The following YDJC variants were observed in gnomAD, a reference collection of about 807,000 sequenced individuals.
YDJC encodes the protein carbohydrate deacetylase.
A neutral mutation model predicts 18.9 loss-of-function variants in YDJC; 23 were observed. That is an observed-to-expected ratio of 1.22 (90% CI 0.87 to 1.72). The LOEUF (loss-of-function observed/expected upper bound fraction) is 1.72, where lower values mean the gene tolerates loss of function less well. Among genes scored for constraint, YDJC ranks in the 40% most tolerant of loss-of-function variants. The pLI, the probability that YDJC is intolerant of heterozygous loss-of-function variation, is 0.00. For missense variants in YDJC, 467 were observed against 470.8 expected (o/e 0.99, Z 0.07); for synonymous variants, 224 against 217.6 (o/e 1.03, Z -0.26).
At chr22:21,629,460 A>T in intron 2 of YDJC, 53 bp from the exon 3 acceptor site, 1 of 1,530,568 alleles carries the variant, frequency 6.5e-7, no homozygotes. Context: ...TGCCGAGGAT[A>T]CCCTCCTCGT....
At chr22:21,629,793 G>A in intron 1 of YDJC, 32 bp from the exon 2 acceptor site, 1 of 1,470,168 alleles carries the variant, frequency 6.8e-7, no homozygotes. Context: ...GAGCACTAGC[G>A]GCCGCGGAGC....
chr22:21,629,786 C>G (rs906046122), intron 1 of YDJC, 25 bp from the exon 2 acceptor site: 2 of 1,470,260 alleles, frequency 1.4e-6, no homozygotes, highest in African/African-American at 2.9e-5. Context: ...CGAGCTGGAG[C>G]ACTAGCGGCC....
Position 21,628,628 on chromosome 22 carries a change from G to T in YDJC, c.762C>A (p.Thr254=). Residue 254 remains threonine (T), a synonymous_variant, in exon 5 of 5, where the codon ACC becomes ACA. Transcript: ENST00000292778. ...AHPGYPSVPP[T]GGCGEGPDAF... Reference sequence around the variant, plus strand: ...CGTCGGGGCCTTCACCGCAGCCGCCGGTGGGAGGCACACTGGGGTAGCCGG... The same window carrying T: ...CGTCGGGGCCTTCACCGCAGCCGCCTGTGGGAGGCACACTGGGGTAGCCGG... 1.3e-6 allele frequency: 2 copies of T among 1,591,222 alleles called. No homozygotes were observed. The highest frequency in any genetic ancestry group is 2.3e-5 in the East Asian group (1 of 43,564).
chr22:21,628,782 G>A lies in YDJC; in HGVS notation c.608C>T (p.Thr203Ile). 1 of 1,480,570 alleles carries A rather than the reference G, an allele frequency of 6.8e-7. No individual in the cohort carries two copies. Among genetic ancestry groups the A allele is most frequent in the Non-Finnish European group, 9.0e-7 (1 of 1,112,980 alleles). 91.7% of individuals were successfully genotyped at this position (1,480,570 alleles called of 1,614,324 possible). A position where few individuals can be genotyped will look rare whatever the true frequency, so the allele number is the denominator to read the frequency against. Residue 203 changes from threonine (T) to isoleucine (I), a missense_variant, in exon 5 of 5, where the codon ACA (threonine) becomes ATA (isoleucine). Thr to Ile is a moderately conservative substitution (Grantham distance 89). Transcript: ENST00000292778. The stretch of plus-strand genomic sequence containing the variant: ...AGTGCTCAGGCCCACGAAGGCGTCT[G>A]TCCACCTGTGGGGGGCGGGACATCA... Reference protein sequence around the residue: ...GPFSRHGLRWTDAFVGLSTCG... With the variant: ...GPFSRHGLRWIDAFVGLSTCG...
chr22:21,629,722 C>T lies in YDJC; in HGVS notation c.204G>A (p.Glu68=). The T allele has an allele frequency of 6.4e-7, 1 of 1,572,596 alleles. No homozygotes were observed. Residue 68 remains glutamate, a synonymous_variant, in exon 2 of 5, where the codon GAG becomes GAA. Coordinates refer to ENST00000292778, the MANE Select transcript of YDJC (RefSeq NM_001017964.2). ...GGCGGGCCGGACCCACGGGGCGGCC[C>T]TCGGACAGGTTGGCGTGGAGGCCCG... ...IPTGLHANLS[E]GRPVGPARRG...
chr22:21,628,540 C>T lies in YDJC; in HGVS notation c.850G>A (p.Ala284Thr), dbSNP rs776006607. 6.2e-7 allele frequency: 1 copy of T among 1,611,916 alleles called. No individual in the cohort carries two copies. Among genetic ancestry groups the T allele is most frequent in the Non-Finnish European group, 8.5e-7 (1 of 1,178,948 alleles). ...TGCACGCCATCCTGGGCAAGCTGGG[C>T]CCGCAGCGTGGGCGCGGTGAGGACG... ...LRVLTAPTLR[A>T]QLAQDGVQLC... is the part of the protein sequence containing the mutation. The change falls in exon 5 of 5, where the codon GCC (alanine) becomes ACC (threonine). Residue 284 changes from alanine (A) to threonine (T), a missense_variant. Coordinates refer to ENST00000292778, the MANE Select transcript of YDJC (RefSeq NM_001017964.2).
chr22:21,629,934 C>T lies in YDJC; in HGVS notation c.81G>A (p.Glu27=), dbSNP rs1601456607. The T allele has an allele frequency of 6.2e-7, 1 of 1,605,190 alleles. No homozygotes were observed. The highest frequency in any genetic ancestry group is 8.5e-7 in the Non-Finnish European group (1 of 1,178,510). Reference sequence around the variant, plus strand: ...TGGTCACAGCCCCGGCCAGAAAGGCCTCCACGATACCCTCATCGCGTCGCG... The same window carrying T: ...TGGTCACAGCCCCGGCCAGAAAGGCTTCCACGATACCCTCATCGCGTCGCG... ...YCPRRDEGIV[E]AFLAGAVTSV... Residue 27 remains glutamate, a synonymous_variant, in exon 1 of 5, where the codon GAG becomes GAA. Coordinates refer to ENST00000292778, the MANE Select transcript of YDJC (RefSeq NM_001017964.2).
In YDJC at chr22:21,629,865, CG is replaced by C; in HGVS notation, c.149del (p.Ala50GlyfsTer68). 6.4e-7 allele frequency: 1 copy of C among 1,566,894 alleles called. No individual in the cohort carries two copies. On this transcript the variant is annotated frameshift_variant, in exon 1 of 5. Coordinates refer to ENST00000292778, the MANE Select transcript of YDJC (RefSeq NM_001017964.2). LOFTEE classifies it high-confidence loss of function. ...CCTCCCCTCACCTGCGGGCCAGCTC[CG>C]CCGCGCTCTCCGTGGCCGCACCGTT... ...LVNGAATESA[A>X]ELARRHSIPT...
At position 21,629,044 on chromosome 22, in the gene YDJC, C is replaced by G; in HGVS notation, c.568G>C (p.Ala190Pro). 1 of 1,503,348 alleles carries G rather than the reference C, an allele frequency of 6.7e-7. No individual in the cohort carries two copies. Among genetic ancestry groups the G allele is most frequent in the Non-Finnish European group, 8.8e-7 (1 of 1,133,576 alleles). The allele number at this position is 1,503,348 out of a possible 1,614,324, so 93.1% of individuals were successfully genotyped here. A position where few individuals can be genotyped will look rare whatever the true frequency, so the allele number is the denominator to read the frequency against. Residue 190 changes from alanine (A) to proline (P), a missense_variant, in exon 4 of 5, where the codon GCC becomes CCC. Ala to Pro is a conservative substitution (Grantham distance 27, BLOSUM62 -1). Transcript: ENST00000292778. ...FACAVERDAR[A>P]AVGPFSRHGL... ...TGGCGGGAGAAGGGGCCCACGGCGG[C>G]CCGGGCGTCGCGCTCCACGGCGCAG...
chr22:21,628,713 G>A lies in YDJC; in HGVS notation c.677C>T (p.Ala226Val), dbSNP rs369691054. The change falls in exon 5 of 5, where the codon GCG (alanine) becomes GTG (valine). Residue 226 changes from alanine (A) to valine (V), a missense_variant. Ala to Val is a moderately conservative substitution (Grantham distance 64, BLOSUM62 0). Transcript: ENST00000292778. ...MSAHRVSGAL[A>V]RVLEGTLAGH... ...CGCTAGGGTACCTTCCAGGACCCGC[G>A]CCAGGGCCCCGGACACGCGGTGAGC... The A allele has an allele frequency of 8.7e-5, 134 of 1,537,024 alleles. No individual in the cohort carries two copies. The Middle Eastern group carries it at 9.3e-4, about 11-fold the overall frequency.
intron 2 of YDJC, 25 bp from the exon 3 acceptor site, chr22:21,629,432 T>C: frequency 6.5e-7 from 1 of 1,542,456 alleles, no homozygotes; most frequent in Non-Finnish European, 8.7e-7. Context: ...AGAGACACCT[T>C]GAGCGACCGG....
chr22:21,628,878 GTAACTGGGGT>G, intron 4 of YDJC, 91 bp from the exon 5 acceptor site: 1 of 587,454 alleles, frequency 1.7e-6, no homozygotes, highest in Non-Finnish European at 2.6e-6. Flanking sequence ...GTGGGAGGGG[GTAACTGGGGT>G]GGCGGCAGCG....
chr22:21,629,443 G>C (rs1169262962), intron 2 of YDJC, 36 bp from the exon 3 acceptor site: 14 of 1,538,418 alleles, frequency 9.1e-6, no homozygotes, highest in African/African-American at 1.4e-5. Context: ...GAGCGACCGG[G>C]AGTAGCTGCC....
In YDJC at chr22:21,629,309, T is replaced by C. The variant is rs1042865568; in HGVS notation, c.423A>G (p.Pro141=). The C allele has an allele frequency of 6.4e-7, 1 of 1,550,414 alleles. No individual in the cohort carries two copies. Among genetic ancestry groups the C allele is most frequent in the Non-Finnish European group, 8.7e-7 (1 of 1,146,860 alleles). ...ADGHQHVHVL[P]GVCQVFAEAL... is the part of the protein sequence containing the mutation. ...AAACTGGGATCACTAACCACGCACC[T>C]GGGAGCACGTGCACGTGCTGGTGCC... The change falls in exon 3 of 5, where the codon CCA becomes CCG. Residue 141 remains proline (P), a splice_region_variant and synonymous_variant. Transcript: ENST00000292778.
In YDJC at chr22:21,628,114, A is replaced by G. The variant is rs371683483; in HGVS notation, c.*304T>C. On this transcript the variant is annotated 3_prime_UTR_variant, in exon 5 of 5. Coordinates refer to ENST00000292778, the MANE Select transcript of YDJC (RefSeq NM_001017964.2). ...TTTGAAAGACACACGTTATTTTATT[A>G]ATATAGCCATCTCTCCCCACTGCCC... The G allele has an allele frequency of 1.1e-5, 3 of 275,138 alleles. No individual in the cohort carries two copies. In the South Asian group the frequency reaches 4.7e-4, roughly 44 times the overall value. The allele number at this position is 275,138 out of a possible 1,614,324, so 17.0% of individuals were successfully genotyped here.
chr22:21,629,051 G>A lies in YDJC; in HGVS notation c.561C>T (p.Asp187=). The A allele has an allele frequency of 6.6e-7, 1 of 1,513,518 alleles. No homozygotes were observed. The highest frequency in any genetic ancestry group is 2.5e-5 in the East Asian group (1 of 40,182). The allele number at this position is 1,513,518 out of a possible 1,614,324, so 93.8% of individuals were successfully genotyped here. A position where few individuals can be genotyped will look rare whatever the true frequency, so the allele number is the denominator to read the frequency against. Residue 187 remains aspartate, a synonymous_variant, in exon 4 of 5, where the codon GAC becomes GAT. Coordinates refer to ENST00000292778, the MANE Select transcript of YDJC (RefSeq NM_001017964.2). ...AGAAGGGGCCCACGGCGGCCCGGGC[G>A]TCGCGCTCCACGGCGCAGGCGAAGG... The part of the protein sequence containing the change: ...ARAFACAVER[D]ARAAVGPFSR...
chr22:21,628,260 T>G lies in YDJC; in HGVS notation c.*158A>C. ...AAGGCTGCTCAAACTCTAGATGCCA[T>G]TTGGAGGCATGAGGACCTGAGCCCA... On this transcript the variant is annotated 3_prime_UTR_variant, in exon 5 of 5. Coordinates refer to ENST00000292778, the MANE Select transcript of YDJC (RefSeq NM_001017964.2). 116 of 1,003,878 alleles carry G rather than the reference T, an allele frequency of 1.2e-4. No homozygotes were observed. Among genetic ancestry groups the G allele is most frequent in the Non-Finnish European group, 1.3e-4 (98 of 731,582 alleles). The allele number at this position is 1,003,878 out of a possible 1,614,324, so 62.2% of individuals were successfully genotyped here.
In YDJC at chr22:21,629,737, G is replaced by C; in HGVS notation, c.189C>G (p.His63Gln). The C allele has an allele frequency of 6.5e-7, 1 of 1,537,436 alleles. No homozygotes were observed. Among genetic ancestry groups the C allele is most frequent in the Non-Finnish European group, 8.7e-7 (1 of 1,143,966 alleles). Residue 63 changes from histidine (H) to glutamine (Q), a missense_variant, in exon 2 of 5, where the codon CAC becomes CAG. Physicochemically the swap from His to Gln is conservative, Grantham distance 24. Coordinates refer to ENST00000292778, the MANE Select transcript of YDJC (RefSeq NM_001017964.2). The stretch of plus-strand genomic sequence containing the variant: ...CGGGGCGGCCCTCGGACAGGTTGGC[G>C]TGGAGGCCCGTGGGGATGCTGTGCC... ...ARRHSIPTGL[H>Q]ANLSEGRPVG...
chr22:21,628,596 G>C lies in YDJC; in HGVS notation c.794C>G (p.Ser265Cys), dbSNP rs745316577. Reference sequence around the variant, plus strand: ...CTCATGCAGCCGCTCCCAAGAGCAAGAGAAAGCGTCGGGGCCTTCACCGCA... The same window carrying C: ...CTCATGCAGCCGCTCCCAAGAGCAACAGAAAGCGTCGGGGCCTTCACCGCA... ...GGCGEGPDAF[S>C]CSWERLHELR... Residue 265 changes from serine to cysteine, a missense_variant, in exon 5 of 5, where the codon TCT (serine) becomes TGT (cysteine). By Grantham distance (112) the Ser-to-Cys change is moderately radical. Coordinates refer to ENST00000292778, the MANE Select transcript of YDJC (RefSeq NM_001017964.2). 1 of 1,606,504 alleles carries C rather than the reference G, an allele frequency of 6.2e-7. No individual in the cohort carries two copies. The highest frequency in any genetic ancestry group is 1.7e-5 in the Admixed American group (1 of 59,236).
Sources: gnomAD v4.1 joint callset for allele counts on GRCh38, gnomAD v4.1.1 for gene constraint, MANE v1.5 for transcripts, NCBI Gene and HGNC (gene_info 2026-07-23, HGNC 2026-07-21) for gene names.